NR3C2: variants seen among roughly 807,000 people sequenced by gnomAD.
NR3C2 encodes mineralocorticoid receptor.
In NR3C2, 15 loss-of-function variants were observed where a neutral mutation model predicts 86.4. The ratio of observed to expected loss-of-function variants is 0.17; its 90% CI spans 0.12 to 0.27. NR3C2 has a LOEUF of 0.27. Ranked by LOEUF, NR3C2 falls within the 10% of genes least tolerant of loss-of-function variation. NR3C2 has a pLI of 1.00. For synonymous variants in NR3C2, 458 were observed against 450.5 expected, an observed-to-expected ratio of 1.02 and a Z score of -0.21; for missense variants, 960 against 1,195.6, an observed-to-expected ratio of 0.80 and a Z score of 2.91.
intron 5 of NR3C2, among the ~76,000 whole-genome samples, chr4:148,153,572 A>T (rs1734205639): frequency 6.6e-6 from 1 of 152,220 alleles, no homozygotes; most frequent in Non-Finnish European, 1.5e-5. Context: ...TCAAAGAATC[A>T]GTCAGTGGAG....
Position 148,081,176 on chromosome 4 carries a change from G to A in NR3C2, c.*168C>T. 1 of 950,734 alleles carries A rather than the reference G, an allele frequency of 1.1e-6. No homozygotes were observed. The highest frequency in any genetic ancestry group is 1.6e-6 in the Non-Finnish European group (1 of 613,994). The allele number at this position is 950,734 out of a possible 1,614,324, so 58.9% of individuals were successfully genotyped here. Reference sequence around the variant, plus strand: ...CTGCTCTGGTCTCGCCAAATCCACGGAAAAACAGCTTTCCCGGCTCCAAAC... The same window carrying A: ...CTGCTCTGGTCTCGCCAAATCCACGAAAAAACAGCTTTCCCGGCTCCAAAC... On this transcript the variant is annotated 3_prime_UTR_variant, in exon 9 of 9. Coordinates refer to ENST00000358102, the MANE Select transcript of NR3C2 (RefSeq NM_000901.5).
chr4:148,419,191 A>C (rs1200419695), intron 2 of NR3C2, among the ~76,000 whole-genome samples: 2 of 152,014 alleles, frequency 1.3e-5, no homozygotes, highest in African/African-American at 4.8e-5. Context: ...ATCACTGGTG[A>C]ACAAACAACT....
intron 4 of NR3C2, among the ~76,000 whole-genome samples, chr4:148,189,433 C>T (rs1417802670): frequency 2.6e-5 from 4 of 152,138 alleles, no homozygotes; most frequent in Admixed American, 6.5e-5. Context: ...TTGTTGGATT[C>T]GGTTAGCTAG....
chr4:148,400,925 C>T (rs1273293452), intron 2 of NR3C2, among the ~76,000 whole-genome samples: 3 of 151,964 alleles, frequency 2.0e-5, no homozygotes, highest in African/African-American at 7.3e-5. Context: ...TGTTGCATAC[C>T]CTAAATACAT....
chr4:148,402,061 G>A (rs1322644140), intron 2 of NR3C2, among the ~76,000 whole-genome samples: 1 of 152,184 alleles, frequency 6.6e-6, no homozygotes. Flanking sequence ...ATGATCTTCA[G>A]TATGGAAGTA....
At chr4:148,410,634 C>T (rs61758264) in intron 2 of NR3C2, among the ~76,000 whole-genome samples, 3 of 152,088 alleles carry the variant, frequency 2.0e-5, no homozygotes, top group African/African-American at 7.2e-5. Flanking sequence ...GGCCAGGGAC[C>T]TTTCACTATA....
chr4:148,420,538 T>C (rs889908257), intron 2 of NR3C2, among the ~76,000 whole-genome samples: 6 of 152,322 alleles, frequency 3.9e-5, no homozygotes, highest in African/African-American at 1.4e-4. Flanking sequence ...TACCACAACC[T>C]ACTTTGTAAC....
At chr4:148,422,325 A>C (rs2126610643) in intron 2 of NR3C2, among the ~76,000 whole-genome samples, 1 of 152,190 alleles carries the variant, frequency 6.6e-6, no homozygotes, top group East Asian at 1.9e-4. Flanking sequence ...GAAAAAAAAA[A>C]ACACCTTTGT....
At position 148,436,051 on chromosome 4, in the gene NR3C2, G is replaced by A. The variant is rs1185240913; in HGVS notation, c.810C>T (p.Ser270=). 2 of 1,614,170 alleles carry A rather than the reference G, an allele frequency of 1.2e-6. No homozygotes were observed. The highest frequency in any genetic ancestry group is 1.7e-6 in the Non-Finnish European group (2 of 1,180,026). ...AGTGACTTGGAGGGCTGGAAATTGA[G>A]GATTTCATGCTACTTAACGGACTTG... ...PLSSPLSSMK[S]SISSPPSHCS... Residue 270 remains serine, a synonymous_variant, in exon 2 of 9, where the codon TCC becomes TCT. Coordinates refer to ENST00000358102, the MANE Select transcript of NR3C2 (RefSeq NM_000901.5).
chr4:148,116,718 G>GA (rs536853405), intron 7 of NR3C2, among the ~76,000 whole-genome samples: 9 of 151,528 alleles, frequency 5.9e-5, no homozygotes, highest in Admixed American at 2.6e-4. Context: ...CTTCTGCATT[G>GA]AAAAAAAATC....
intron 8 of NR3C2, among the ~76,000 whole-genome samples, chr4:148,105,200 G>C (rs1229819892): frequency 6.6e-6 from 1 of 151,918 alleles, no homozygotes; most frequent in Non-Finnish European, 1.5e-5. Flanking sequence ...AATAATAAAG[G>C]GGACATCACC....
intron 4 of NR3C2, among the ~76,000 whole-genome samples, chr4:148,182,717 A>G (rs1346613843): frequency 2.0e-5 from 3 of 152,260 alleles, no homozygotes; most frequent in African/African-American, 7.2e-5. Context: ...CTTTGCCTAC[A>G]GGGGACCTGC....
intron 2 of NR3C2, among the ~76,000 whole-genome samples, chr4:148,276,685 A>G (rs773335529): frequency 6.6e-6 from 1 of 152,184 alleles, no homozygotes; most frequent in Non-Finnish European, 1.5e-5. Context: ...TTTTCCCACA[A>G]TCAGTAATAG....
At chr4:148,271,756 A>G (rs1319808173) in intron 2 of NR3C2, among the ~76,000 whole-genome samples, 1 of 152,160 alleles carries the variant, frequency 6.6e-6, no homozygotes, top group Non-Finnish European at 1.5e-5. Context: ...GGCCCTTATT[A>G]GAACAGATAT....
In NR3C2 at chr4:148,324,253, A is replaced by G. The variant is rs189813649; in HGVS notation, c.1758-64136T>C. Among the ~76,000 whole-genome samples, 171 of 152,118 alleles carry G rather than the reference A, an allele frequency of 1.1e-3. 1 individual carries two copies. The highest frequency in any genetic ancestry group is 1.2e-3 in the Non-Finnish European group (82 of 68,008). On this transcript the variant is annotated intron_variant, in intron 2 of 8. Transcript: ENST00000358102. ...TTCTGTGTCTGGCTTATTTCATTTT[A>G]TGTAACATCCTCCAGATTCATCCAT... is the stretch of plus-strand genomic sequence containing the variant.
At position 148,436,412 on chromosome 4, in the gene NR3C2, C is replaced by T. The variant is rs13306591; in HGVS notation, c.449G>A (p.Arg150His). ...LVKFYKGNGH[R>H]PSTLSCVNTP... ...GTTCACACAACTTAGAGTGGAAGGA[C>T]GATGGCCATTTCCTTTGTAAAATTT... Residue 150 changes from arginine (R) to histidine (H), a missense_variant, in exon 2 of 9, where the codon CGT (arginine) becomes CAT (histidine). Arg to His is a conservative substitution (Grantham distance 29). Around this residue, in one of 4 missense-constraint regions of NR3C2, gnomAD observed 680 missense variants for 719.0 expected, o/e 0.95. Coordinates refer to ENST00000358102, the MANE Select transcript of NR3C2 (RefSeq NM_000901.5). 2.1e-4 allele frequency: 335 copies of T among 1,614,120 alleles called. 4 individuals are homozygous for T. In the East Asian group the frequency reaches 7.3e-3, roughly 35 times the overall value.
At chr4:148,189,477 C>T (rs553919977) in intron 4 of NR3C2, among the ~76,000 whole-genome samples, 8 of 152,228 alleles carry the variant, frequency 5.3e-5, no homozygotes, top group Admixed American at 1.3e-4. Flanking sequence ...CTATGTGCAT[C>T]GGCGATATCA....
rs146038671 is a variant in NR3C2 at position 148,272,109 on chromosome 4, C to A, written c.1758-11992G>T. Reference sequence around the variant, plus strand: ...AGGTCTCTTGATATGTATCAACTAACCAAACACACAAAAATCCTGATAATT... The same window carrying A: ...AGGTCTCTTGATATGTATCAACTAAACAAACACACAAAAATCCTGATAATT... On this transcript the variant is annotated intron_variant, in intron 2 of 8. Coordinates refer to ENST00000358102, the MANE Select transcript of NR3C2 (RefSeq NM_000901.5). Among the ~76,000 whole-genome samples the A allele has an allele frequency of 4.6e-5, 7 of 152,186 alleles. No homozygotes were observed. The East Asian group carries it at 1.2e-3, about 25-fold the overall frequency.
At chr4:148,276,509 T>C (rs1579096131) in intron 2 of NR3C2, among the ~76,000 whole-genome samples, 1 of 152,140 alleles carries the variant, frequency 6.6e-6, no homozygotes, top group African/African-American at 2.4e-5. Flanking sequence ...AATACTGGTA[T>C]TACAGTACCT....
Sources: allele counts gnomAD v4.1 joint callset (sites outside exome capture counted in the v4.1 genomes callset), GRCh38; gene constraint gnomAD v4.1.1; regional missense constraint gnomAD v4.1.1; transcripts MANE v1.5; gene names NCBI Gene and HGNC (gene_info 2026-07-23, HGNC 2026-07-21).